SRPK2: variants seen among roughly 807,000 people sequenced by gnomAD.
The protein encoded by SRPK2 is SRSF protein kinase 2.
A neutral mutation model predicts 90.8 loss-of-function variants in SRPK2; 21 were observed. The observed-to-expected ratio is 0.23, with a 90% CI of 0.16 to 0.33. SRPK2 has a LOEUF of 0.33. Ranked by LOEUF, SRPK2 falls within the 10% of genes least tolerant of loss-of-function variation. The pLI is 1.00. For missense variants in SRPK2, 620 were observed against 869.0 expected, an observed-to-expected ratio of 0.71 and a Z score of 3.60; for synonymous variants, 288 against 311.1, an observed-to-expected ratio of 0.93 and a Z score of 0.78.
chr7:105,270,442 T>G (rs1805682710), intron 2 of SRPK2, among the ~76,000 whole-genome samples: 1 of 148,340 alleles, frequency 6.7e-6, no homozygotes, highest in Admixed American at 6.8e-5. Flanking sequence ...GGAATTTCAC[T>G]CGTTGCCCAG....
chr7:105,272,326 T>A (rs190396054), intron 2 of SRPK2, among the ~76,000 whole-genome samples: 2 of 152,328 alleles, frequency 1.3e-5, no homozygotes, highest in East Asian at 1.9e-4. Context: ...CTTTAATCAA[T>A]CCTTTACCAT....
chr7:105,381,464 T>C (rs1820944063), intron 2 of SRPK2, among the ~76,000 whole-genome samples: 1 of 151,840 alleles, frequency 6.6e-6, no homozygotes, highest in African/African-American at 2.4e-5. Flanking sequence ...CAAGACTCCA[T>C]CTCGAAAAAA....
intron 2 of SRPK2, among the ~76,000 whole-genome samples, chr7:105,221,201 C>T (rs1402192933): frequency 6.6e-6 from 1 of 152,140 alleles, no homozygotes; most frequent in Non-Finnish European, 1.5e-5. Context: ...TTATGAGGGA[C>T]TTGTATCTGC....
At chr7:105,154,477 G>C (rs921046290) in intron 7 of SRPK2, among the ~76,000 whole-genome samples, 5 of 152,132 alleles carry the variant, frequency 3.3e-5, no homozygotes, top group East Asian at 3.8e-4. Context: ...GCCACTGAAA[G>C]AATTACAATG....
intron 2 of SRPK2, among the ~76,000 whole-genome samples, chr7:105,379,973 T>C (rs1268259805): frequency 6.6e-6 from 1 of 152,016 alleles, no homozygotes; most frequent in Non-Finnish European, 1.5e-5. Context: ...CAAGACTCCG[T>C]CTCAAAAAAA....
intron 2 of SRPK2, among the ~76,000 whole-genome samples, chr7:105,346,481 T>A (rs555483156): frequency 1.3e-5 from 2 of 152,060 alleles, no homozygotes; most frequent in South Asian, 2.1e-4. Flanking sequence ...CAAGGCCAGG[T>A]GCAGTGGCTC....
At chr7:105,274,182 G>A (rs1248757617) in intron 2 of SRPK2, among the ~76,000 whole-genome samples, 1 of 152,082 alleles carries the variant, frequency 6.6e-6, no homozygotes, top group African/African-American at 2.4e-5. Context: ...CGTAATACAA[G>A]TATGTTTTAT....
At chr7:105,277,308 C>A (rs1336820661) in intron 2 of SRPK2, among the ~76,000 whole-genome samples, 3 of 152,116 alleles carry the variant, frequency 2.0e-5, no homozygotes, top group Non-Finnish European at 1.5e-5. Flanking sequence ...GATCTCCTGA[C>A]CTCATGATCC....
At chr7:105,381,688 T>A (rs1407857482) in intron 2 of SRPK2, among the ~76,000 whole-genome samples, 2 of 152,088 alleles carry the variant, frequency 1.3e-5, no homozygotes, top group Non-Finnish European at 2.9e-5. Flanking sequence ...ACTGTAGAGG[T>A]AGTAAGCAAA....
chr7:105,176,768 TG>T (rs1228181941), intron 3 of SRPK2, among the ~76,000 whole-genome samples: 1 of 151,532 alleles, frequency 6.6e-6, no homozygotes, highest in African/African-American at 2.4e-5. Context: ...TGTGTGTGTG[TG>T]TGTGTATATA....
At chr7:105,281,888 A>C (rs1807394612) in intron 2 of SRPK2, among the ~76,000 whole-genome samples, 1 of 152,196 alleles carries the variant, frequency 6.6e-6, no homozygotes, top group Admixed American at 6.5e-5. Context: ...TATTCCCCAA[A>C]TTAATCCACA....
chr7:105,306,850 A>AAC (rs1458589055), intron 2 of SRPK2, among the ~76,000 whole-genome samples: 1 of 152,228 alleles, frequency 6.6e-6, no homozygotes, highest in African/African-American at 2.4e-5. Flanking sequence ...GACATGGCTA[A>AAC]ATATGGGGGA....
At chr7:105,325,422 C>T (rs1161413591) in intron 2 of SRPK2, among the ~76,000 whole-genome samples, 1 of 131,028 alleles carries the variant, frequency 7.6e-6, no homozygotes, top group Non-Finnish European at 1.6e-5. Context: ...AACCAAGAGA[C>T]AGAAATGTCA....
At chr7:105,247,128 C>G (rs541313826) in intron 2 of SRPK2, among the ~76,000 whole-genome samples, 2 of 152,154 alleles carry the variant, frequency 1.3e-5, no homozygotes, top group African/African-American at 2.4e-5. Context: ...GGCTTTTTAA[C>G]GACTGCACAA....
chr7:105,160,645 C>T, intron 6 of SRPK2, 32 bp from the exon 7 acceptor site: 5 of 1,350,450 alleles, frequency 3.7e-6, no homozygotes, highest in Non-Finnish European at 5.3e-6. Flanking sequence ...TTTGTGGATG[C>T]ACTGCCTGGA....
intron 2 of SRPK2, among the ~76,000 whole-genome samples, chr7:105,371,718 C>CA (rs1401244819): frequency 1.3e-5 from 2 of 151,486 alleles, no homozygotes; most frequent in East Asian, 1.9e-4. Flanking sequence ...GACCCTGTCT[C>CA]AAAAAAAGAA....
At position 105,224,028 on chromosome 7, in the gene SRPK2, C is replaced by A. The variant is rs961781471; in HGVS notation, c.72-20243G>T. Among the ~76,000 whole-genome samples the A allele has an allele frequency of 2.6e-5, 4 of 152,208 alleles. No individual in the cohort carries two copies. The East Asian group carries it at 7.7e-4, about 29-fold the overall frequency. ...TTTTTGATTAAATTCTGAAACAGAG[C>A]TCTAGTTTTAGTTTATTTCATATGG... On this transcript the variant is annotated intron_variant, in intron 2 of 15. Transcript: ENST00000393651.
chr7:105,195,366 A>AC (rs1184230809), intron 3 of SRPK2, among the ~76,000 whole-genome samples: 20 of 152,326 alleles, frequency 1.3e-4, no homozygotes, highest in Middle Eastern at 3.4e-3. Context: ...TATGTTTTGT[A>AC]AAAAGAGGAG....
intron 2 of SRPK2, among the ~76,000 whole-genome samples, chr7:105,336,548 C>CA (rs901799353): frequency 2.0e-5 from 3 of 150,690 alleles, no homozygotes; most frequent in Non-Finnish European, 4.4e-5. Flanking sequence ...GACTGAAAAC[C>CA]AAAAAAAAAG....
Sources: gnomAD v4.1 joint callset for allele counts (sites outside exome capture counted in the v4.1 genomes callset) on GRCh38, gnomAD v4.1.1 for gene constraint, MANE v1.5 for transcripts, NCBI Gene and HGNC (gene_info 2026-07-23, HGNC 2026-07-21) for gene names.